The following LRMDA variants were observed in gnomAD, a reference collection of about 807,000 sequenced individuals.
The protein encoded by LRMDA is leucine-rich melanocyte differentiation-associated protein.
A neutral mutation model predicts 29.8 loss-of-function variants in LRMDA; 18 were observed. The ratio of observed to expected loss-of-function variants is 0.60; its 90% CI spans 0.42 to 0.90. The LOEUF (loss-of-function observed/expected upper bound fraction) is 0.90. LRMDA is among the 40% of genes least tolerant of loss of function. LRMDA has a pLI of 0.00. For synonymous variants in LRMDA, 125 were observed against 109.4 expected, an observed-to-expected ratio of 1.14 and a Z score of -0.89; for missense variants, 273 against 273.9, an observed-to-expected ratio of 1.00 and a Z score of 0.02.
At chr10:75,818,667 T>G (rs1361736545) in intron 2 of LRMDA, among the ~76,000 whole-genome samples, 1 of 152,242 alleles carries the variant, frequency 6.6e-6, no homozygotes, top group East Asian at 1.9e-4. Context: ...TTCTGACCAC[T>G]GGTCCAGTGT....
intron 5 of LRMDA, among the ~76,000 whole-genome samples, chr10:76,103,588 T>C (rs1257256029): frequency 6.6e-6 from 1 of 152,170 alleles, no homozygotes; most frequent in Non-Finnish European, 1.5e-5. Context: ...TTTCACCCCT[T>C]TTAGTTGTGG....
At chr10:76,370,530 C>T (rs1841442128) in intron 6 of LRMDA, among the ~76,000 whole-genome samples, 2 of 152,086 alleles carry the variant, frequency 1.3e-5, no homozygotes, top group South Asian at 2.1e-4. Flanking sequence ...TTGTAGGCTC[C>T]CCTTATCTGC....
At chr10:76,408,732 G>A (rs542326549) in intron 6 of LRMDA, among the ~76,000 whole-genome samples, 8 of 152,104 alleles carry the variant, frequency 5.3e-5, no homozygotes, top group Admixed American at 2.0e-4. Flanking sequence ...CTCCAAAGCC[G>A]CAGGACTCCT....
At chr10:75,958,929 A>G (rs1033135386) in intron 2 of LRMDA, among the ~76,000 whole-genome samples, 10 of 152,190 alleles carry the variant, frequency 6.6e-5, no homozygotes, top group Admixed American at 5.2e-4. Flanking sequence ...TTCCCCATAT[A>G]CAACCATCAG....
intron 2 of LRMDA, among the ~76,000 whole-genome samples, chr10:76,011,127 A>G (rs533716407): frequency 6.6e-6 from 1 of 152,206 alleles, no homozygotes; most frequent in African/African-American, 2.4e-5. Flanking sequence ...ACTTTTTTTT[A>G]GGAGGATGGG....
chr10:76,390,397 A>G (rs1841708776), intron 6 of LRMDA, among the ~76,000 whole-genome samples: 1 of 152,140 alleles, frequency 6.6e-6, no homozygotes, highest in African/African-American at 2.4e-5. Flanking sequence ...AAGTTGCACT[A>G]AACTAGCCAA....
rs555668254 is a variant in LRMDA at position 76,255,757 on chromosome 10, A to C, written c.517-68644A>C. Among the ~76,000 whole-genome samples, 5 of 152,370 alleles carry C rather than the reference A, an allele frequency of 3.3e-5. No individual in the cohort carries two copies. The East Asian group carries it at 9.6e-4, about 29-fold the overall frequency. ...TCCTAACAATGGATACATTGTGCTG[A>C]ATGAAATGAAGCTCACAAAAGAATT... On this transcript the variant is annotated intron_variant, in intron 5 of 6. Coordinates refer to ENST00000611255, the MANE Select transcript of LRMDA (RefSeq NM_001305581.2).
In LRMDA at chr10:76,103,778, T is replaced by C. The variant is rs1849434444; in HGVS notation, c.516+44995T>C. Among the ~76,000 whole-genome samples the C allele has an allele frequency of 1.3e-5, 2 of 152,272 alleles. 1 individual carries two copies. On this transcript the variant is annotated intron_variant, in intron 5 of 6. Transcript: ENST00000611255. Reference sequence around the variant, plus strand: ...TTAGGTTAAAAATTCCGGCCAGACATAGTGGCTCACGCCTGTAATCCCAGC... The same window carrying C: ...TTAGGTTAAAAATTCCGGCCAGACACAGTGGCTCACGCCTGTAATCCCAGC...
chr10:76,218,662 G>T (rs1206517220), intron 5 of LRMDA, among the ~76,000 whole-genome samples: 1 of 152,182 alleles, frequency 6.6e-6, no homozygotes, highest in African/African-American at 2.4e-5. Flanking sequence ...TGGTCATCCA[G>T]GTGGGTTCCA....
At chr10:76,355,122 C>A (rs558904583) in intron 6 of LRMDA, among the ~76,000 whole-genome samples, 1 of 152,074 alleles carries the variant, frequency 6.6e-6, no homozygotes, top group Non-Finnish European at 1.5e-5. Flanking sequence ...TCAAACATGA[C>A]CTTTGCCCTT....
chr10:75,977,006 G>C (rs1847083829), intron 2 of LRMDA, among the ~76,000 whole-genome samples: 1 of 152,032 alleles, frequency 6.6e-6, no homozygotes, highest in African/African-American at 2.4e-5. Flanking sequence ...AGAGGGCATG[G>C]CACTGTCTAC....
chr10:76,011,584 A>T (rs532008393), intron 2 of LRMDA, among the ~76,000 whole-genome samples: 10 of 152,316 alleles, frequency 6.6e-5, no homozygotes, highest in African/African-American at 2.2e-4. Flanking sequence ...CGAGGGCTGC[A>T]TGTGAGGATC....
At chr10:75,852,767 C>T (rs557609163) in intron 2 of LRMDA, among the ~76,000 whole-genome samples, 9 of 152,192 alleles carry the variant, frequency 5.9e-5, no homozygotes, top group Non-Finnish European at 1.0e-4. Context: ...CCTGAGACTT[C>T]CAGCTGCTAG....
chr10:75,526,828 C>T (rs922876437), intron 2 of LRMDA, among the ~76,000 whole-genome samples: 10 of 150,698 alleles, frequency 6.6e-5, no homozygotes, highest in Admixed American at 2.0e-4. Context: ...CACTGCACTC[C>T]AGCCTGGATG....
chr10:76,223,037 A>G (rs1380222616), intron 5 of LRMDA, among the ~76,000 whole-genome samples: 3 of 151,162 alleles, frequency 2.0e-5, no homozygotes, highest in Admixed American at 6.6e-5. Context: ...AACACCGCAT[A>G]TTCTCACTCA....
intron 2 of LRMDA, among the ~76,000 whole-genome samples, chr10:75,990,741 G>A (rs774232207): frequency 5.3e-5 from 8 of 152,042 alleles, no homozygotes; most frequent in Non-Finnish European, 1.2e-4. Context: ...ATAATAAAGA[G>A]GAAATGGTCC....
chr10:75,433,460 A>T (rs928402783), intron 1 of LRMDA, among the ~76,000 whole-genome samples: 1 of 152,140 alleles, frequency 6.6e-6, no homozygotes, highest in Non-Finnish European at 1.5e-5. Flanking sequence ...GTAGGCTGGG[A>T]AAATGCCCCT....
At chr10:75,724,987 T>TG (rs1842613905) in intron 2 of LRMDA, among the ~76,000 whole-genome samples, 1 of 152,230 alleles carries the variant, frequency 6.6e-6, no homozygotes, top group African/African-American at 2.4e-5. Flanking sequence ...AAGCTACTCC[T>TG]GTGCTGTGGA....
chr10:75,440,100 C>A (rs1046726954), intron 2 of LRMDA, among the ~76,000 whole-genome samples: 2 of 151,046 alleles, frequency 1.3e-5, no homozygotes, highest in African/African-American at 2.4e-5. Context: ...TTGTGATGTC[C>A]AGGGGCCCTG....
Sources: gnomAD v4.1 joint callset for allele counts (sites outside exome capture counted in the v4.1 genomes callset) on GRCh38, gnomAD v4.1.1 for gene constraint, MANE v1.5 for transcripts, NCBI Gene and HGNC (gene_info 2026-07-23, HGNC 2026-07-21) for gene names.